ADGRV1: variants seen among roughly 807,000 people sequenced by gnomAD.
ADGRV1 encodes the protein adhesion G protein-coupled receptor V1, also known as G-protein coupled receptor 98.
A neutral mutation model predicts 596.2 loss-of-function variants in ADGRV1; 359 were observed. The observed-to-expected ratio is 0.60, with a 90% CI of 0.55 to 0.66. ADGRV1 has a LOEUF of 0.66. ADGRV1 is among the 30% of genes least tolerant of loss of function. The pLI, the probability that ADGRV1 is intolerant of heterozygous loss-of-function variation, is 0.00. For synonymous variants in ADGRV1, 2,681 were observed against 2,679.2 expected (o/e 1.00, Z -0.02); for missense variants, 7,274 against 7,575.6 (o/e 0.96, Z 1.48).
At chr5:91,139,735 G>C (rs911900107) in intron 87 of ADGRV1, among the ~76,000 whole-genome samples, 2 of 152,126 alleles carry the variant, frequency 1.3e-5, no homozygotes, top group African/African-American at 4.8e-5. Context: ...TTTGACACTA[G>C]TACATGTTAC....
intron 83 of ADGRV1, among the ~76,000 whole-genome samples, chr5:90,915,252 A>G (rs1052039087): frequency 1.2e-4 from 18 of 152,202 alleles, no homozygotes; most frequent in African/African-American, 3.1e-4. Flanking sequence ...TATCGTTTGT[A>G]TAGGGCATTA....
chr5:90,821,701 G>GA lies in ADGRV1; in HGVS notation c.16197-1724_16197-1723insA, dbSNP rs979641614. ...TGTGAGGTGTCAGTGTGCCCCTGCT[G>GA]GGGGGTGCCTCCCAGTTAGGCTGCT... On this transcript the variant is annotated intron_variant, in intron 75 of 89. Transcript: ENST00000405460. Among the ~76,000 whole-genome samples, 4 of 151,680 alleles carry GA rather than the reference G, an allele frequency of 2.6e-5. 1 individual carries two copies. The highest frequency in any genetic ancestry group is 9.7e-5 in the African/African-American group (4 of 41,036).
intron 83 of ADGRV1, among the ~76,000 whole-genome samples, chr5:90,884,799 T>C (rs1770127847): frequency 6.6e-6 from 1 of 152,208 alleles, no homozygotes; most frequent in Non-Finnish European, 1.5e-5. Context: ...CCTAGGACTG[T>C]CCTGGGTTTA....
intron 11 of ADGRV1, among the ~76,000 whole-genome samples, chr5:90,639,568 G>T (rs1228406290): frequency 6.6e-6 from 1 of 152,020 alleles, no homozygotes; most frequent in African/African-American, 2.4e-5. Flanking sequence ...AGTAAAAAAA[G>T]TACATAAGGA....
chr5:90,607,776 C>G (rs1762282600), intron 1 of ADGRV1, among the ~76,000 whole-genome samples: 1 of 152,096 alleles, frequency 6.6e-6, no homozygotes, highest in African/African-American at 2.4e-5. Context: ...GTCACTTATC[C>G]TTGATCATAT....
intron 85 of ADGRV1, among the ~76,000 whole-genome samples, chr5:91,071,701 G>T (rs1269146442): frequency 6.6e-6 from 1 of 151,582 alleles, no homozygotes; most frequent in Non-Finnish European, 1.5e-5. Context: ...TTGAGATGGA[G>T]TCTCCCTCTG....
At chr5:91,142,226 A>G (rs1024145832) in intron 87 of ADGRV1, among the ~76,000 whole-genome samples, 3 of 152,182 alleles carry the variant, frequency 2.0e-5, no homozygotes, top group Non-Finnish European at 4.4e-5. Context: ...TTCCTTATTT[A>G]ACAAATATTT....
intron 50 of ADGRV1, among the ~76,000 whole-genome samples, chr5:90,744,590 A>T (rs1754394704): frequency 6.6e-6 from 1 of 152,190 alleles, no homozygotes; most frequent in Non-Finnish European, 1.5e-5. Context: ...TAGTATGGAC[A>T]TGGTGTAATA....
chr5:90,923,707 G>A (rs1048284657), intron 83 of ADGRV1, among the ~76,000 whole-genome samples: 1 of 152,074 alleles, frequency 6.6e-6, no homozygotes, highest in African/African-American at 2.4e-5. Flanking sequence ...GTATACATGT[G>A]CCATGCTGGT....
At chr5:90,757,716 A>T (rs1381249619) in intron 57 of ADGRV1, among the ~76,000 whole-genome samples, 1 of 152,236 alleles carries the variant, frequency 6.6e-6, no homozygotes, top group African/African-American at 2.4e-5. Flanking sequence ...ATTATAAAAC[A>T]TTCCCCAAGA....
rs1424035241 is a variant in ADGRV1 at position 90,564,707 on chromosome 5, A to G, written c.22+5790A>G. 4.4e-5 allele frequency among the ~76,000 whole-genome samples: 4 copies of G among 90,526 alleles called. 1 individual carries two copies. Among genetic ancestry groups the G allele is most frequent in the African/African-American group, 1.2e-4 (2 of 17,376 alleles). 59.4% of individuals were successfully genotyped at this position (90,526 alleles called of 152,430 possible). On this transcript the variant is annotated intron_variant, in intron 1 of 89. Transcript: ENST00000405460. ...AGTGGCGCGATCTCGGCTCACTGCA[A>G]GCTCCGCCTCCCGGGTTCACGCCAT... is the stretch of plus-strand genomic sequence containing the variant.
At position 90,876,938 on chromosome 5, in the gene ADGRV1, C is replaced by T. The variant is rs554930881; in HGVS notation, c.17856+13081C>T. On this transcript the variant is annotated intron_variant, in intron 83 of 89. Transcript: ENST00000405460. ...ACATAGTGAAAGACATAGTTTAGAC[C>T]CTCCAGTAATTTTCTGTCTACCAGG... Among the ~76,000 whole-genome samples, 173 of 151,984 alleles carry T rather than the reference C, an allele frequency of 1.1e-3. 2 individuals carry two copies. The highest frequency in any genetic ancestry group is 4.0e-3 in the African/African-American group (167 of 41,436).
At chr5:90,657,464 A>G (rs4379236) in intron 20 of ADGRV1, among the ~76,000 whole-genome samples, 75,385 of 151,752 alleles carry the variant, frequency 0.5, 19,266 homozygotes, top group East Asian at 0.81. Flanking sequence ...AAATAAATAC[A>G]TAATTAAAAA....
chr5:90,885,907 AGG>A (rs1267775063), intron 83 of ADGRV1, among the ~76,000 whole-genome samples: 1 of 151,868 alleles, frequency 6.6e-6, no homozygotes, highest in Non-Finnish European at 1.5e-5. Flanking sequence ...AAAGGAAGGG[AGG>A]GAAGGAGGGT....
chr5:90,659,859 C>G (rs1434433025), intron 21 of ADGRV1, among the ~76,000 whole-genome samples: 1 of 151,980 alleles, frequency 6.6e-6, no homozygotes. Context: ...GGTGAAACCC[C>G]GTCTCTACTA....
chr5:90,861,526 G>A (rs1345663601), intron 82 of ADGRV1, among the ~76,000 whole-genome samples: 1 of 150,928 alleles, frequency 6.6e-6, no homozygotes, highest in Non-Finnish European at 1.5e-5. Flanking sequence ...AGCCAGGATG[G>A]TCTCGATCTC....
intron 1 of ADGRV1, among the ~76,000 whole-genome samples, chr5:90,585,731 C>A (rs1161066042): frequency 1.3e-5 from 2 of 152,154 alleles, no homozygotes; most frequent in Non-Finnish European, 2.9e-5. Context: ...AGAAGCAGTC[C>A]CGCATGTTAG....
chr5:90,690,566 C>T (rs1746334452), intron 30 of ADGRV1, among the ~76,000 whole-genome samples: 1 of 152,168 alleles, frequency 6.6e-6, no homozygotes, highest in South Asian at 2.1e-4. Context: ...CTGGTATAGA[C>T]TTGAGCCCTA....
chr5:91,073,513 G>A (rs779311141), intron 86 of ADGRV1, among the ~76,000 whole-genome samples: 13 of 152,142 alleles, frequency 8.5e-5, no homozygotes, highest in African/African-American at 1.4e-4. Flanking sequence ...GCTACAGGGC[G>A]TCACTCTAAT....
Sources: gnomAD v4.1 joint callset for allele counts (sites outside exome capture counted in the v4.1 genomes callset) on GRCh38, gnomAD v4.1.1 for gene constraint, MANE v1.5 for transcripts, NCBI Gene and HGNC (gene_info 2026-07-23, HGNC 2026-07-21) for gene names.